EEF2K: variants seen among roughly 807,000 people sequenced by gnomAD.
The protein encoded by EEF2K is alternative protein EEF2K.
EEF2K carries 70 observed loss-of-function variants against 93.8 expected under a neutral mutation model. The observed-to-expected ratio is 0.75, with a 90% CI of 0.62 to 0.91. EEF2K has a LOEUF of 0.91. EEF2K is among the 40% of genes least tolerant of loss of function. The pLI is 0.00. For missense variants in EEF2K, 935 were observed against 972.9 expected (o/e 0.96, Z 0.52); for synonymous variants, 376 against 380.8 (o/e 0.99, Z 0.15).
intron 17 of EEF2K, among the ~76,000 whole-genome samples, chr16:22,282,062 A>G (rs1322308143): frequency 6.6e-6 from 1 of 152,126 alleles, no homozygotes; most frequent in South Asian, 2.1e-4. Context: ...GGAGTTCAAG[A>G]CCAGCCTGGG....
intron 6 of EEF2K, among the ~76,000 whole-genome samples, chr16:22,252,821 CAA>C (rs1379546884): frequency 6.6e-6 from 1 of 152,158 alleles, no homozygotes; most frequent in Non-Finnish European, 1.5e-5. Context: ...TGGTGGCAGA[CAA>C]GAGAGATTGA....
At chr16:22,221,841 G>A (rs7193171) in intron 1 of EEF2K, among the ~76,000 whole-genome samples, 7,838 of 152,170 alleles carry the variant, frequency 0.052, 646 homozygotes, top group African/African-American at 0.18. Flanking sequence ...AGGCCAAGAC[G>A]GGCAGATCAC....
chr16:22,257,741 G>T lies in EEF2K; in HGVS notation c.1000G>T (p.Asp334Tyr). 6.2e-7 allele frequency: 1 copy of T among 1,613,954 alleles called. No individual in the cohort carries two copies. The highest frequency in any genetic ancestry group is 1.1e-5 in the South Asian group (1 of 91,084). The change falls in exon 9 of 18, where the codon GAT becomes TAT. Residue 334 changes from aspartate to tyrosine, a missense_variant. Transcript: ENST00000263026. ...APFDLSPRERDAVNQNTKLLQ... is the reference protein window; with the variant it reads ...APFDLSPRERYAVNQNTKLLQ... ...CTTTGACCTCTCGCCCCGGGAGAGG[G>T]ATGCAGTGAATCAGAACACCAAGCT...
At chr16:22,249,923 A>G (rs1477922264) in intron 4 of EEF2K, among the ~76,000 whole-genome samples, 1 of 151,932 alleles carries the variant, frequency 6.6e-6, no homozygotes, top group African/African-American at 2.4e-5. Flanking sequence ...CTAGGATTAC[A>G]GGCATGCACC....
intron 1 of EEF2K, among the ~76,000 whole-genome samples, chr16:22,218,178 T>C (rs1197072809): frequency 6.6e-6 from 1 of 152,208 alleles, no homozygotes; most frequent in Non-Finnish European, 1.5e-5. Context: ...GCCTGGATCT[T>C]GTGACACACT....
rs2047725109 is a variant in EEF2K, at chr16:22,283,891, C to CTT, written c.2074_2075dup (p.Leu692PhefsTer14). On this transcript the variant is annotated frameshift_variant, in exon 18 of 18. Coordinates refer to ENST00000263026, the MANE Select transcript of EEF2K (RefSeq NM_013302.5). LOFTEE classifies it high-confidence loss of function. The stretch of plus-strand genomic sequence containing the variant: ...CCCCCCTTTGCTGTCTTTCAGGGGA[C>CTT]TTGTATACCCAGGCAGCAGAGGCAG... The CTT allele has an allele frequency of 1.6e-5, 25 of 1,591,448 alleles. No individual in the cohort carries two copies. The highest frequency in any genetic ancestry group is 2.1e-5 in the Non-Finnish European group (25 of 1,168,948).
At chr16:22,207,915 G>A (rs559802498) in intron 1 of EEF2K, among the ~76,000 whole-genome samples, 1 of 152,196 alleles carries the variant, frequency 6.6e-6, no homozygotes, top group Non-Finnish European at 1.5e-5. Context: ...CTGAGCTGGG[G>A]AAGAGGCAGG....
At chr16:22,218,948 A>G (rs2046986368) in intron 1 of EEF2K, among the ~76,000 whole-genome samples, 1 of 151,674 alleles carries the variant, frequency 6.6e-6, no homozygotes, top group Non-Finnish European at 1.5e-5. Flanking sequence ...AAAAAAAAAA[A>G]AAAAAGAGAA....
chr16:22,237,026 C>T (rs1034120243), intron 2 of EEF2K, among the ~76,000 whole-genome samples: 11 of 143,982 alleles, frequency 7.6e-5, no homozygotes, highest in African/African-American at 2.9e-4. Flanking sequence ...CTCATTGCAA[C>T]CTCCACCTCC....
intron 4 of EEF2K, 70 bp from the exon 5 acceptor site, chr16:22,250,584 C>A: frequency 1.3e-6 from 2 of 1,595,598 alleles, no homozygotes; most frequent in Admixed American, 1.7e-5. Context: ...GTAAGGGGAG[C>A]ACCTCCTGTC....
rs1172955846 is a variant in EEF2K, at chr16:22,288,217, C to T, written c.*4221C>T. ...TGTTGGCCAGGCTGGTTTCAAACTC[C>T]TGACATTAGGTGATCCACCTGCCTC... On this transcript the variant is annotated 3_prime_UTR_variant, in exon 18 of 18. Coordinates refer to ENST00000263026, the MANE Select transcript of EEF2K (RefSeq NM_013302.5). 1 of 152,216 alleles carries T rather than the reference C, an allele frequency of 6.6e-6. No homozygotes were observed. The highest frequency in any genetic ancestry group is 1.9e-4 in the East Asian group (1 of 5,192). 9.4% of individuals were successfully genotyped at this position (152,216 alleles called of 1,614,324 possible).
chr16:22,224,636 CAAAAA>C (rs766417140), intron 1 of EEF2K, among the ~76,000 whole-genome samples: 1 of 117,538 alleles, frequency 8.5e-6, no homozygotes, highest in African/African-American at 3.5e-5. Context: ...GATTCTGTCT[CAAAAA>C]AAAAAAGAAA....
intron 16 of EEF2K, among the ~76,000 whole-genome samples, chr16:22,277,923 G>A (rs911864038): frequency 3.3e-5 from 5 of 152,148 alleles, no homozygotes; most frequent in African/African-American, 1.2e-4. Context: ...AGGGAGAGCA[G>A]GTCAAGCACG....
At chr16:22,267,409 A>G (rs561116241) in intron 15 of EEF2K, among the ~76,000 whole-genome samples, 121 of 152,124 alleles carry the variant, frequency 8.0e-4, no homozygotes, top group African/African-American at 2.7e-3. Flanking sequence ...CCTGGCCGAC[A>G]TGGTGAAACC....
intron 9 of EEF2K, 66 bp from the exon 10 acceptor site, chr16:22,258,428 C>T: frequency 5.2e-6 from 8 of 1,542,968 alleles, no homozygotes; most frequent in Non-Finnish European, 7.1e-6. Context: ...GAGGGAACAA[C>T]AGGAAGAGCC....
At chr16:22,263,945 A>G (rs914136605) in intron 12 of EEF2K, among the ~76,000 whole-genome samples, 1 of 152,152 alleles carries the variant, frequency 6.6e-6, no homozygotes, top group East Asian at 1.9e-4. Context: ...TGGAGCCTGC[A>G]CATCAAGGCC....
intron 8 of EEF2K, 37 bp downstream of exon 8, chr16:22,257,422 A>T (rs749451075): frequency 1.9e-6 from 3 of 1,608,398 alleles, no homozygotes; most frequent in South Asian, 2.2e-5. Context: ...TGCAGAAACC[A>T]CGCTCCCTGC....
At chr16:22,255,371 G>T (rs2047389081) in intron 6 of EEF2K, among the ~76,000 whole-genome samples, 2 of 152,204 alleles carry the variant, frequency 1.3e-5, no homozygotes, top group South Asian at 4.1e-4. Flanking sequence ...GCCATCTAGA[G>T]AACTCGTTCC....
rs1004661967 is a variant in EEF2K at position 22,248,748 on chromosome 16, T to C, written c.348-7T>C. The C allele has an allele frequency of 6.2e-7, 1 of 1,613,866 alleles. No individual in the cohort carries two copies. Among genetic ancestry groups the C allele is most frequent in the African/African-American group, 1.3e-5 (1 of 75,016 alleles). ...CGCTGTGCCCCATGGTGGATGGGTC[T>C]CTGCAGGTACAACGCCGTCACCGGG... On this transcript the variant is annotated splice_region_variant and splice_polypyrimidine_tract_variant and intron_variant, in intron 3 of 17. Transcript: ENST00000263026.
Sources: gnomAD v4.1 joint callset for allele counts (sites outside exome capture counted in the v4.1 genomes callset) on GRCh38, gnomAD v4.1.1 for gene constraint, MANE v1.5 for transcripts, NCBI Gene and HGNC (gene_info 2026-07-23, HGNC 2026-07-21) for gene names.